The following DMKN variants were observed in gnomAD, a reference collection of about 807,000 sequenced individuals.
DMKN encodes the protein epidermis-specific secreted protein SK30/SK89.
In DMKN, 58 loss-of-function variants were observed where a neutral mutation model predicts 67.6. That is an observed-to-expected ratio of 0.86 (90% CI 0.69 to 1.07). The LOEUF (loss-of-function observed/expected upper bound fraction) is 1.07. Ranked by LOEUF, DMKN falls within the 50% of genes least tolerant of loss-of-function variation. The pLI is 0.00. For synonymous variants in DMKN, 240 were observed against 232.3 expected (o/e 1.03, Z -0.30); for missense variants, 596 against 601.5 (o/e 0.99, Z 0.10).
At chr19:35,499,884 C>T (rs1307144488) in intron 13 of DMKN, 74 bp downstream of exon 13, 15 of 1,542,304 alleles carry the variant, frequency 9.7e-6, no homozygotes, top group East Asian at 4.5e-5. Context: ...GAGAGGACCC[C>T]GGCAGTGAAA....
At chr19:35,501,974 T>C (rs2068473171) in intron 11 of DMKN, 162 bp downstream of exon 11, 4 of 1,546,240 alleles carry the variant, frequency 2.6e-6, no homozygotes, top group Non-Finnish European at 2.6e-6. Context: ...TGCTCCTCAG[T>C]GACTCACGGC....
chr19:35,503,239 C>T, intron 9 of DMKN: 1 of 1,452,658 alleles, frequency 6.9e-7, no homozygotes, highest in African/African-American at 1.4e-5. Flanking sequence ...TGTGGGGCTG[C>T]AGCCACCCCT....
chr19:35,503,699 C>T (rs1389261710), intron 9 of DMKN, among the ~76,000 whole-genome samples: 4 of 152,102 alleles, frequency 2.6e-5, no homozygotes, highest in Non-Finnish European at 5.9e-5. Context: ...TGGTTTCAGA[C>T]TCCTGACCTC....
At chr19:35,501,918 C>T in intron 11 of DMKN, 1 of 1,568,518 alleles carries the variant, frequency 6.4e-7, no homozygotes, top group South Asian at 1.2e-5. Flanking sequence ...TTGTGGAGGC[C>T]CCAGCCCTCG....
rs543916832 is a variant in DMKN, at chr19:35,509,262, G to T, written c.1038+649C>A. Among the ~76,000 whole-genome samples the T allele has an allele frequency of 1.4e-3, 175 of 123,256 alleles. 2 individuals are homozygous for T. The East Asian group carries it at 0.039, about 28-fold the overall frequency. 80.9% of individuals were successfully genotyped at this position (123,256 alleles called of 152,430 possible). A position where few individuals can be genotyped will look rare whatever the true frequency, so the allele number is the denominator to read the frequency against. On this transcript the variant is annotated intron_variant, in intron 7 of 15. Transcript: ENST00000339686. The stretch of plus-strand genomic sequence containing the variant: ...CAAACTAGAAAGAGGGTTACAAATG[G>T]GAAGAAATTTTTTTTTAAAAAAACC...
At chr19:35,503,192 C>T in intron 9 of DMKN, 1 of 1,403,012 alleles carries the variant, frequency 7.1e-7, no homozygotes, top group Non-Finnish European at 9.4e-7. Flanking sequence ...TGTCCCCTTT[C>T]CACCTGCCGG....
In DMKN at chr19:35,505,698, CGAA is replaced by C. The variant is rs1555792856; in HGVS notation, c.1134+17_1134+19del. ...CTTTCTTCCCTATAGCCCTCTCCGA[CGAA>C]GATGTCCAGCCCTTACCTTGTTTAT... On this transcript the variant is annotated intron_variant, in intron 9 of 15. Coordinates refer to ENST00000339686, the MANE Select transcript of DMKN (RefSeq NM_033317.5). The C allele has an allele frequency of 1.2e-6, 2 of 1,614,162 alleles. No homozygotes were observed. Among genetic ancestry groups the C allele is most frequent in the Non-Finnish European group, 1.7e-6 (2 of 1,180,022 alleles).
At chr19:35,507,399 T>C (rs910558092) in intron 7 of DMKN, 1 of 1,487,482 alleles carries the variant, frequency 6.7e-7, no homozygotes, top group African/African-American at 1.4e-5. Context: ...TTTCCCAGGA[T>C]CTTAGCATGC....
At chr19:35,503,184 T>G in intron 9 of DMKN, 9 of 1,365,008 alleles carry the variant, frequency 6.6e-6, no homozygotes, top group Non-Finnish European at 7.7e-6. Flanking sequence ...CCTCAGAGTG[T>G]CCCCTTTCCA....
chr19:35,507,475 A>G, intron 7 of DMKN: 1 of 1,551,458 alleles, frequency 6.4e-7, no homozygotes, highest in Non-Finnish European at 8.7e-7. Flanking sequence ...TTGTCTCCAG[A>G]GCCTCCAAGG....
In DMKN at chr19:35,512,539, T is replaced by C. The variant is rs368742032; in HGVS notation, c.627+51A>G. 1.4e-4 allele frequency: 221 copies of C among 1,613,906 alleles called. 1 individual carries two copies. The highest frequency in any genetic ancestry group is 1.0e-4 in the Non-Finnish European group (118 of 1,179,950). ...GGACCAGGGAGGCACGCGGAGCATG[T>C]GGGCTTGGAGGGAGGGAGGTGGCAG... On this transcript the variant is annotated intron_variant, in intron 2 of 15. Transcript: ENST00000339686.
intron 7 of DMKN, among the ~76,000 whole-genome samples, chr19:35,509,252 G>A (rs1420713302): frequency 7.0e-6 from 1 of 143,044 alleles, no homozygotes; most frequent in African/African-American, 2.7e-5. Flanking sequence ...TAGAAAGAGG[G>A]TTACAAATGG....
intron 11 of DMKN, among the ~76,000 whole-genome samples, chr19:35,501,582 G>C (rs534044556): frequency 1.3e-5 from 2 of 152,314 alleles, no homozygotes; most frequent in African/African-American, 4.8e-5. Context: ...CACGGGTCCT[G>C]TTTCTCAAAG....
At chr19:35,511,645 G>A (rs548193252) in intron 4 of DMKN, 52 bp from the exon 5 acceptor site, 87 of 1,596,906 alleles carry the variant, frequency 5.4e-5, no homozygotes, top group South Asian at 3.7e-4. Flanking sequence ...GCACCAAGAC[G>A]GGCCCCTCCT....
chr19:35,512,346 C>T (rs1600094778), intron 3 of DMKN, 75 bp downstream of exon 3: 1 of 1,565,058 alleles, frequency 6.4e-7, no homozygotes, highest in East Asian at 2.2e-5. Flanking sequence ...TCTTGCTTTC[C>T]TCTTTGTCTT....
At position 35,501,544 on chromosome 19, in the gene DMKN, G is replaced by A. The variant is rs568594702; in HGVS notation, c.1239+592C>T. ...TCATATACTTGGCACACGTAGACAC[G>A]GGAGCAGGCAGCCTTTGTCTCAGTG... On this transcript the variant is annotated intron_variant, in intron 11 of 15. Coordinates refer to ENST00000339686, the MANE Select transcript of DMKN (RefSeq NM_033317.5). Among the ~76,000 whole-genome samples, 110 of 152,282 alleles carry A rather than the reference G, an allele frequency of 7.2e-4. No individual in the cohort carries two copies. In the Middle Eastern group the frequency reaches 0.024, roughly 33 times the overall value.
intron 3 of DMKN, 35 bp downstream of exon 3, chr19:35,512,386 G>A: frequency 1.2e-6 from 2 of 1,611,216 alleles, no homozygotes; most frequent in Non-Finnish European, 8.5e-7. Context: ...TGCACCCAGT[G>A]GCTTCTTCAT....
intron 7 of DMKN, chr19:35,506,598 G>T (rs764481489): frequency 2.2e-6 from 1 of 464,834 alleles, no homozygotes. Flanking sequence ...TGAAGGCTGC[G>T]TGAGTCAGGT....
rs35642398 is a variant in DMKN at position 35,509,269 on chromosome 19, A to AT, written c.1038+641dup. The stretch of plus-strand genomic sequence containing the variant: ...GAAAGAGGGTTACAAATGGGAAGAA[A>AT]TTTTTTTTTAAAAAAACCAGTTTGT... On this transcript the variant is annotated intron_variant, in intron 7 of 15. Transcript: ENST00000339686. Among the ~76,000 whole-genome samples the AT allele has an allele frequency of 7.3e-5, 11 of 151,622 alleles. 1 individual carries two copies. The highest frequency in any genetic ancestry group is 6.4e-3 in the Middle Eastern group (2 of 314).
Sources: allele counts gnomAD v4.1 joint callset (sites outside exome capture counted in the v4.1 genomes callset), GRCh38; gene constraint gnomAD v4.1.1; transcripts MANE v1.5; gene names NCBI Gene and HGNC (gene_info 2026-07-23, HGNC 2026-07-21).